PAPSS1: variants seen among roughly 807,000 people sequenced by gnomAD.
The protein encoded by PAPSS1 is bifunctional 3'-phosphoadenosine 5'-phosphosulfate synthase 1.
In PAPSS1, 50 loss-of-function variants were observed where a neutral mutation model predicts 72.0. The ratio of observed to expected loss-of-function variants is 0.69; its 90% CI spans 0.55 to 0.88. The LOEUF (loss-of-function observed/expected upper bound fraction) is 0.88, where lower values mean the gene tolerates loss of function less well. Ranked by LOEUF, PAPSS1 falls within the 40% of genes least tolerant of loss-of-function variation. The probability of loss-of-function intolerance (pLI) is 0.00; values close to 1 mark genes in which losing one functional copy is unlikely to be tolerated. For synonymous variants in PAPSS1, 261 were observed against 263.6 expected, an observed-to-expected ratio of 0.99 and a Z score of 0.09; for missense variants, 657 against 782.2, an observed-to-expected ratio of 0.84 and a Z score of 1.91.
intron 5 of PAPSS1, among the ~76,000 whole-genome samples, chr4:107,681,070 T>G (rs1722569728): frequency 6.6e-6 from 1 of 152,084 alleles, no homozygotes; most frequent in Non-Finnish European, 1.5e-5. Flanking sequence ...ACAAAGAAAT[T>G]TTTTTAAAGT....
At chr4:107,696,635 G>A (rs1469644166) in intron 2 of PAPSS1, among the ~76,000 whole-genome samples, 1 of 151,952 alleles carries the variant, frequency 6.6e-6, no homozygotes, top group Non-Finnish European at 1.5e-5. Context: ...TAATGCATGT[G>A]GGGCTTAAAA....
intron 5 of PAPSS1, among the ~76,000 whole-genome samples, chr4:107,667,537 T>C (rs898137612): frequency 6.6e-6 from 1 of 152,062 alleles, no homozygotes; most frequent in Non-Finnish European, 1.5e-5. Context: ...AGGTCTGAAC[T>C]AACTCCACAT....
chr4:107,678,762 T>C (rs1398717442), intron 5 of PAPSS1, among the ~76,000 whole-genome samples: 1 of 152,022 alleles, frequency 6.6e-6, no homozygotes, highest in African/African-American at 2.4e-5. Flanking sequence ...GTCTAGAGAC[T>C]AAAAAAAGTC....
intron 1 of PAPSS1, among the ~76,000 whole-genome samples, chr4:107,704,755 A>G (rs551750326): frequency 1.3e-5 from 2 of 152,270 alleles, no homozygotes; most frequent in African/African-American, 4.8e-5. Flanking sequence ...GTTTGAGACC[A>G]GCCAGGCCAA....
chr4:107,700,586 G>A (rs192115708), intron 2 of PAPSS1, among the ~76,000 whole-genome samples: 10 of 152,332 alleles, frequency 6.6e-5, no homozygotes, highest in Admixed American at 6.5e-4. Context: ...AGTGTTGAAT[G>A]ATGCAGTCTA....
chr4:107,623,754 G>A (rs1294204531), intron 11 of PAPSS1, among the ~76,000 whole-genome samples: 1 of 152,122 alleles, frequency 6.6e-6, no homozygotes, highest in African/African-American at 2.4e-5. Flanking sequence ...TACACTATGA[G>A]GCATTGAAAA....
At chr4:107,646,495 C>G (rs888274181) in intron 9 of PAPSS1, among the ~76,000 whole-genome samples, 2 of 152,008 alleles carry the variant, frequency 1.3e-5, no homozygotes, top group Admixed American at 6.6e-5. Context: ...TAAACCAGAG[C>G]TCCTTGGCAA....
At chr4:107,708,898 T>A (rs980755237) in intron 1 of PAPSS1, among the ~76,000 whole-genome samples, 2 of 152,254 alleles carry the variant, frequency 1.3e-5, no homozygotes, top group Admixed American at 6.5e-5. Context: ...GTATCCACCC[T>A]TGTGCCAATG....
chr4:107,675,039 T>G (rs1184990274), intron 5 of PAPSS1, among the ~76,000 whole-genome samples: 6 of 151,378 alleles, frequency 4.0e-5, no homozygotes, highest in South Asian at 2.1e-4. Context: ...AAGCAGTGTG[T>G]AGAGAGAAAT....
intron 1 of PAPSS1, among the ~76,000 whole-genome samples, chr4:107,703,499 A>G (rs1723258812): frequency 6.6e-6 from 1 of 151,170 alleles, no homozygotes; most frequent in African/African-American, 2.4e-5. Context: ...TTCTGATCTT[A>G]CATGTAAATT....
chr4:107,701,976 CAA>C lies in PAPSS1; in HGVS notation c.61-693_61-692del, dbSNP rs11328129. Among the ~76,000 whole-genome samples, 998 of 133,768 alleles carry C rather than the reference CAA, an allele frequency of 7.5e-3. 2 individuals carry two copies. Among genetic ancestry groups the C allele is most frequent in the African/African-American group, 8.5e-3 (302 of 35,736 alleles). 87.8% of individuals were successfully genotyped at this position (133,768 alleles called of 152,430 possible). A position where few individuals can be genotyped will look rare whatever the true frequency, so the allele number is the denominator to read the frequency against. Reference sequence around the variant, plus strand: ...ACTTCATGTTCTCCCAAAGCTGCTTCAAAAAAAAAAAAAAAAGCATAAAATTA... The same window carrying C: ...ACTTCATGTTCTCCCAAAGCTGCTTCAAAAAAAAAAAAAAGCATAAAATTA... On this transcript the variant is annotated intron_variant, in intron 1 of 11. Transcript: ENST00000265174.
Position 107,653,520 on chromosome 4 carries a change from A to G in PAPSS1, c.1208T>C (p.Leu403Pro), listed in dbSNP as rs751507503. Residue 403 changes from leucine to proline, a missense_variant, in exon 9 of 12, where the codon CTA (leucine) becomes CCA (proline). By Grantham distance (98) the Leu-to-Pro change is moderately conservative. Coordinates refer to ENST00000265174, the MANE Select transcript of PAPSS1 (RefSeq NM_005443.5). ...LDQYRLTPTE[L>P]KQKFKDMNAD... is the part of the protein sequence containing the mutation. ...ATTCATATCTTTAAATTTCTGCTTT[A>G]GCTCAGTAGGAGTAAGACGATACTG... 6.2e-7 allele frequency: 1 copy of G among 1,612,030 alleles called. No individual in the cohort carries two copies. The highest frequency in any genetic ancestry group is 1.3e-5 in the African/African-American group (1 of 74,876).
At chr4:107,621,506 G>T (rs1725952401) in intron 11 of PAPSS1, among the ~76,000 whole-genome samples, 2 of 150,976 alleles carry the variant, frequency 1.3e-5, no homozygotes, top group Non-Finnish European at 2.9e-5. Context: ...CTCTTAGGGG[G>T]CACTTACTCC....
At chr4:107,719,512 G>C (rs1181361242) in intron 1 of PAPSS1, among the ~76,000 whole-genome samples, 1 of 152,188 alleles carries the variant, frequency 6.6e-6, no homozygotes, top group Non-Finnish European at 1.5e-5. Context: ...ACTCCTACTT[G>C]TTAAACATTC....
At chr4:107,646,578 G>A (rs1273485250) in intron 9 of PAPSS1, among the ~76,000 whole-genome samples, 1 of 152,104 alleles carries the variant, frequency 6.6e-6, no homozygotes, top group African/African-American at 2.4e-5. Flanking sequence ...ATTAAGAAGG[G>A]AAGTGCTCAA....
At chr4:107,662,952 T>C (rs1268604679) in intron 5 of PAPSS1, among the ~76,000 whole-genome samples, 1 of 152,212 alleles carries the variant, frequency 6.6e-6, no homozygotes, top group Non-Finnish European at 1.5e-5. Context: ...ATACATTTTG[T>C]ATGTTCAATT....
intron 9 of PAPSS1, 94 bp downstream of exon 9, chr4:107,653,397 C>T: frequency 1.7e-6 from 2 of 1,167,194 alleles, no homozygotes; most frequent in Non-Finnish European, 2.4e-6. Flanking sequence ...TTTACCTGTA[C>T]TCATCGTTTT....
chr4:107,701,182 A>T lies in PAPSS1; in HGVS notation c.164T>A (p.Val55Asp). Residue 55 changes from valine (V) to aspartate (D), a missense_variant, in exon 2 of 12, where the codon GTT (valine) becomes GAT (aspartate). Coordinates refer to ENST00000265174, the MANE Select transcript of PAPSS1 (RefSeq NM_005443.5). ...TCTCTTGACCATACCTGTTAGCCAA[A>T]CTGTGCAACCACGAAAGCCACCTCT... Reference protein sequence around the residue: ...GTRGGFRGCTVWLTGLSGAGK... With the variant: ...GTRGGFRGCTDWLTGLSGAGK... 1 of 1,612,296 alleles carries T rather than the reference A, an allele frequency of 6.2e-7. No individual in the cohort carries two copies. The highest frequency in any genetic ancestry group is 2.2e-5 in the East Asian group (1 of 44,852).
intron 7 of PAPSS1, among the ~76,000 whole-genome samples, chr4:107,656,432 A>G (rs1727012680): frequency 6.6e-6 from 1 of 152,166 alleles, no homozygotes; most frequent in South Asian, 2.1e-4. Flanking sequence ...AATTTCTTTG[A>G]CAATTTTTTG....
Sources: allele counts gnomAD v4.1 joint callset (sites outside exome capture counted in the v4.1 genomes callset), GRCh38; gene constraint gnomAD v4.1.1; transcripts MANE v1.5; gene names NCBI Gene and HGNC (gene_info 2026-07-23, HGNC 2026-07-21).